The following HNRNPH1 variants were observed in gnomAD, a reference collection of about 807,000 sequenced individuals.
HNRNPH1 encodes heterogeneous nuclear ribonucleoprotein H1, also known as heterogeneous nuclear ribonucleoprotein H.
A neutral mutation model predicts 58.6 loss-of-function variants in HNRNPH1; 4 were observed. The observed-to-expected ratio is 0.07, with a 90% confidence interval of 0.03 to 0.16. The LOEUF is 0.16. Among genes scored for constraint, HNRNPH1 ranks in the 10% least tolerant of loss-of-function variants. HNRNPH1 has a pLI of 1.00. For synonymous variants in HNRNPH1, 192 were observed against 189.2 expected, an observed-to-expected ratio of 1.01 and a Z score of -0.12; for missense variants, 271 against 564.2, an observed-to-expected ratio of 0.48 and a Z score of 5.26.
chr5:179,615,871 CTT>C (rs1036088911), intron 11 of HNRNPH1: 2 of 526,982 alleles, frequency 3.8e-6, no homozygotes, highest in African/African-American at 3.8e-5. Context: ...ATGACTAGTT[CTT>C]AATTCAAAGA....
At chr5:179,624,550 C>G (rs1774165220) in exon 1 of HNRNPH1, 1 of 398,664 alleles carries the variant, frequency 2.5e-6, no homozygotes, top group African/African-American at 2.1e-5. Flanking sequence ...TCTCCCAGAG[C>G]AGAATTGGTA....
At chr5:179,616,783 T>C in intron 10 of HNRNPH1, 86 bp downstream of exon 11, 2 of 1,190,216 alleles carry the variant, frequency 1.7e-6, no homozygotes, top group Non-Finnish European at 2.4e-6. Context: ...TATGCTAAAC[T>C]TATTAAATAA....
At chr5:179,620,804 C>T (rs1264113518) in intron 3 of HNRNPH1, 88 bp downstream of exon 4, 1 of 1,145,370 alleles carries the variant, frequency 8.7e-7, no homozygotes, top group Non-Finnish European at 1.3e-6. Flanking sequence ...TACTGAAATA[C>T]CTAAGCTACT....
At chr5:179,621,935 G>A (rs1562305834) in intron 1 of HNRNPH1, 1 of 456,296 alleles carries the variant, frequency 2.2e-6, no homozygotes, top group Non-Finnish European at 4.4e-6. Context: ...GGCTTCCAGC[G>A]TACTTGGTTC....
chr5:179,617,993 T>TCCAAATCTATCTGAC, exon 6 of HNRNPH1: 4 of 1,614,110 alleles, frequency 2.5e-6, no homozygotes, highest in Non-Finnish European at 3.4e-6. Context: ...CCTTACCTCT[T>TCCAAATCTATCTGAC]CCAAATCTAT....
chr5:179,617,583 C>T (rs771900277), exon 8 of HNRNPH1: 1 of 1,614,102 alleles, frequency 6.2e-7, no homozygotes. Context: ...ACATCTGCTT[C>T]ACCAGTTACT....
At chr5:179,617,311 A>G (rs1770248179) in intron 8 of HNRNPH1, 2 of 731,598 alleles carry the variant, frequency 2.7e-6, no homozygotes, top group Non-Finnish European at 2.2e-6. Context: ...TTAAGGATAT[A>G]CACTTCAAGA....
chr5:179,620,620 G>T, intron 3 of HNRNPH1: 1 of 349,958 alleles, frequency 2.9e-6, no homozygotes, highest in South Asian at 4.5e-5. Context: ...CCAATGTGAG[G>T]AAAGTAGTTA....
intron 1 of HNRNPH1, 81 bp from the exon 3 acceptor site, chr5:179,621,478 G>A (rs1221133400): frequency 2.5e-6 from 3 of 1,181,520 alleles, no homozygotes; most frequent in African/African-American, 3.1e-5. Context: ...TCTATTCCAT[G>A]TCCCCACTAC....
intron 2 of HNRNPH1, 57 bp from the exon 4 acceptor site, chr5:179,621,092 C>T: frequency 1.3e-6 from 2 of 1,579,462 alleles, no homozygotes; most frequent in East Asian, 2.2e-5. Context: ...AAAGTTCAGA[C>T]TTCCTGGGTC....
intron 1 of HNRNPH1, among the ~76,000 whole-genome samples, chr5:179,622,692 C>CA (rs1316662854): frequency 1.3e-4 from 20 of 152,140 alleles, no homozygotes; most frequent in South Asian, 1.0e-3. Flanking sequence ...GCTTGGGTGA[C>CA]AGAGACTCCA....
At chr5:179,629,192 G>C (rs1325502438), upstream of HNRNPH1, 1 of 151,598 alleles carries the variant, frequency 6.6e-6, no homozygotes, top group Non-Finnish European at 1.5e-5. Flanking sequence ...AGCTACACGG[G>C]AGGCTGAGGC....
At chr5:179,626,777 T>C (rs1774438781), upstream of HNRNPH1, among the ~76,000 whole-genome samples, 1 of 128,474 alleles carries the variant, frequency 7.8e-6, no homozygotes, top group Non-Finnish European at 1.7e-5. Flanking sequence ...GGTATACTTC[T>C]TTTTTTTTTT....
chr5:179,622,145 T>C (rs1772708707), intron 1 of HNRNPH1, among the ~76,000 whole-genome samples: 1 of 152,224 alleles, frequency 6.6e-6, no homozygotes. Flanking sequence ...AACACTTCCC[T>C]GGGCTTCAGT....
At chr5:179,629,099 C>T (rs1316146711), upstream of HNRNPH1, 3 of 148,644 alleles carry the variant, frequency 2.0e-5, no homozygotes, top group Admixed American at 6.7e-5. Flanking sequence ...AGATCGAGAC[C>T]ATCCTGGATA....
chr5:179,619,470 G>C, intron 3 of HNRNPH1, 63 bp from the exon 5 acceptor site: 1 of 1,478,912 alleles, frequency 6.8e-7, no homozygotes, highest in Non-Finnish European at 9.3e-7. Flanking sequence ...GCCCAGAAAT[G>C]ATTCTTCTTA....
exon 1 of HNRNPH1, chr5:179,624,534 G>A: frequency 5.0e-6 from 2 of 398,796 alleles, no homozygotes; most frequent in Non-Finnish European, 8.8e-6. Context: ...GTAGGTTACC[G>A]CTGCATCTCC....
At chr5:179,627,407 A>G (rs981765972), upstream of HNRNPH1, among the ~76,000 whole-genome samples, 13 of 150,322 alleles carry the variant, frequency 8.6e-5, no homozygotes, top group Admixed American at 8.6e-4. Context: ...TGCCCAGGCT[A>G]GTCTTGAATT....
chr5:179,618,067 GACAAAGT>G lies in HNRNPH1; in HGVS notation c.716-14_716-8del, dbSNP rs777026245. On this transcript the variant is annotated splice_region_variant and splice_polypyrimidine_tract_variant and intron_variant, in intron 5 of 12. Transcript: ENST00000356731. ...TCATCATAGCCTCCATAGCCTGAAA[GACAAAGT>G]ACAATCAATCAAATAAAACACCTAG... 6.2e-7 allele frequency: 1 copy of G among 1,613,958 alleles called. No individual in the cohort carries two copies. The highest frequency in any genetic ancestry group is 8.5e-7 in the Non-Finnish European group (1 of 1,179,864).
Sources: allele counts gnomAD v4.1 joint callset (sites outside exome capture counted in the v4.1 genomes callset), GRCh38; gene constraint gnomAD v4.1.1; transcripts MANE v1.5; gene names NCBI Gene and HGNC (gene_info 2026-07-23, HGNC 2026-07-21).